The following KRT15 variants were observed in gnomAD, a reference collection of about 807,000 sequenced individuals.
The protein encoded by KRT15 is keratin, type I cytoskeletal 15.
KRT15 carries 45 observed loss-of-function variants against 46.6 expected under a neutral mutation model. That is an observed-to-expected ratio of 0.97 (90% CI 0.76 to 1.24). KRT15 has a LOEUF of 1.24. Ranked by LOEUF, KRT15 falls within the 50% of genes most tolerant of loss-of-function variation. The pLI is 0.00. For missense variants in KRT15, 592 were observed against 588.9 expected, an observed-to-expected ratio of 1.01 and a Z score of -0.05; for synonymous variants, 221 against 233.8, an observed-to-expected ratio of 0.95 and a Z score of 0.50.
chr17:41,518,139 C>T (rs990982171), intron 1 of KRT15, among the ~76,000 whole-genome samples, 191 bp downstream of exon 1: 2 of 152,130 alleles, frequency 1.3e-5, no homozygotes, highest in African/African-American at 2.4e-5. Context: ...CCAGCACCAC[C>T]AAGTTGAGAA....
rs921724315 is a variant in KRT15 at position 41,515,647 on chromosome 17, C to T, written c.1072G>A (p.Ala358Thr). The stretch of plus-strand genomic sequence containing the variant: ...CCCTGGATCTGCTGCAGCTGCGTGG[C>T]ATAGCGGCACTCTGTCTCGGCCAGT... ...NSLAETECRY[A>T]TQLQQIQGLI... is the part of the protein sequence containing the mutation. The change falls in exon 6 of 8, where the codon GCC becomes ACC. Residue 358 changes from alanine (A) to threonine (T), a missense_variant. By Grantham distance (58) the Ala-to-Thr change is moderately conservative. Coordinates refer to ENST00000254043, the MANE Select transcript of KRT15 (RefSeq NM_002275.4). 2.5e-6 allele frequency: 4 copies of T among 1,614,212 alleles called. No individual in the cohort carries two copies. Among genetic ancestry groups the T allele is most frequent in the African/African-American group, 1.3e-5 (1 of 75,058 alleles).
At chr17:41,516,052 C>G in intron 4 of KRT15, 42 bp from the exon 5 acceptor site, 2 of 1,614,092 alleles carry the variant, frequency 1.2e-6, no homozygotes, top group South Asian at 2.2e-5. Context: ...GGGGCCTCCT[C>G]GGAGACTCAG....
intron 6 of KRT15, 61 bp downstream of exon 6, chr17:41,515,411 G>A: frequency 1.0e-5 from 15 of 1,447,932 alleles, no homozygotes; most frequent in Non-Finnish European, 1.4e-5. Context: ...CCCTTAGGAT[G>A]ACCCTGCACC....
At chr17:41,514,588 G>A (rs535345794) in intron 7 of KRT15, 61 bp downstream of exon 7, 3 of 1,500,962 alleles carry the variant, frequency 2.0e-6, no homozygotes, top group Admixed American at 1.7e-5. Flanking sequence ...TATTCCGAAG[G>A]GGGTGGTGGC....
In KRT15 at chr17:41,517,181, T is replaced by A; in HGVS notation, c.499-16A>T. 1 of 1,610,604 alleles carries A rather than the reference T, an allele frequency of 6.2e-7. No individual in the cohort carries two copies. The highest frequency in any genetic ancestry group is 8.5e-7 in the Non-Finnish European group (1 of 1,177,558). On this transcript the variant is annotated splice_polypyrimidine_tract_variant and intron_variant, in intron 1 of 7. Coordinates refer to ENST00000254043, the MANE Select transcript of KRT15 (RefSeq NM_002275.4). Reference sequence around the variant, plus strand: ...TGGCCATGATCTGCAGGAGACAGAGTCGGTGTCTAGAGGACTCCTCTCTCT... The same window carrying A: ...TGGCCATGATCTGCAGGAGACAGAGACGGTGTCTAGAGGACTCCTCTCTCT...
rs149322590 is a variant in KRT15, at chr17:41,514,845, C to T, written c.1248-171G>A. Reference sequence around the variant, plus strand: ...TGCTAGCCCATCCAGGCCTGCTATCCCCAAGTAGACAGATTTTGTTTTGTT... The same window carrying T: ...TGCTAGCCCATCCAGGCCTGCTATCTCCAAGTAGACAGATTTTGTTTTGTT... On this transcript the variant is annotated intron_variant, in intron 6 of 7. Coordinates refer to ENST00000254043, the MANE Select transcript of KRT15 (RefSeq NM_002275.4). 27 of 582,372 alleles carry T rather than the reference C, an allele frequency of 4.6e-5. No homozygotes were observed. In the East Asian group the frequency reaches 7.8e-4, roughly 17 times the overall value. The allele number at this position is 582,372 out of a possible 1,614,324, so 36.1% of individuals were successfully genotyped here. A position where few individuals can be genotyped will look rare whatever the true frequency, so the allele number is the denominator to read the frequency against.
rs1905346333 is a variant in KRT15 at position 41,516,010 on chromosome 17, T to C, written c.901A>G (p.Thr301Ala). The C allele has an allele frequency of 3.7e-6, 6 of 1,614,122 alleles. No homozygotes were observed. Among genetic ancestry groups the C allele is most frequent in the Non-Finnish European group, 5.1e-6 (6 of 1,180,000 alleles). Residue 301 changes from threonine (T) to alanine (A), a missense_variant and splice_region_variant, in exon 5 of 8, where the codon ACT (threonine) becomes GCT (alanine). Transcript: ENST00000254043. ...GCCACCTCTTTGTTCAGCTCCTCAG[T>C]CTGTAGGTCATGCACAACAGAAGTG... ...RDVEAWFFSK[T>A]EELNKEVASN...
chr17:41,514,114 G>A lies in KRT15; in HGVS notation c.1280C>T (p.Ser427Leu). ...MAGIAIREAS[S>L]GGGGSSSNFH... ...ATTGCTGCTGCTACCACCACCTCCT[G>A]AAGAGGCTAGAGAGAGAAGGAGTAG... is the stretch of plus-strand genomic sequence containing the variant. The change falls in exon 8 of 8, where the codon TCA becomes TTA. Residue 427 changes from serine to leucine, a missense_variant. Transcript: ENST00000254043. 6.2e-7 allele frequency: 1 copy of A among 1,613,270 alleles called. No individual in the cohort carries two copies. Among genetic ancestry groups the A allele is most frequent in the Non-Finnish European group, 8.5e-7 (1 of 1,179,206 alleles).
Position 41,516,148 on chromosome 17 carries a change from C to A in KRT15, c.856G>T (p.Ala286Ser), listed in dbSNP as rs770811080. Residue 286 changes from alanine to serine, a missense_variant, in exon 4 of 8, where the codon GCG becomes TCG. Physicochemically the swap from Ala to Ser is moderately conservative, Grantham distance 99 (BLOSUM62 1). Coordinates refer to ENST00000254043, the MANE Select transcript of KRT15 (RefSeq NM_002275.4). ...TCGACATCCCGGCGGTTCTTCTCCG[C>A]CATGGCCTCGTACTGCTCCCTCATC... ...AEMREQYEAM[A>S]EKNRRDVEAW... The A allele has an allele frequency of 5.6e-6, 9 of 1,614,076 alleles. No homozygotes were observed. The highest frequency in any genetic ancestry group is 7.6e-6 in the Non-Finnish European group (9 of 1,180,046).
At chr17:41,517,852 G>T (rs990920457) in intron 1 of KRT15, among the ~76,000 whole-genome samples, 2 of 152,154 alleles carry the variant, frequency 1.3e-5, no homozygotes, top group Admixed American at 6.5e-5. Flanking sequence ...GCAGAAGCCT[G>T]CAGGGTGCAT....
In KRT15 at chr17:41,518,763, G is replaced by A. The variant is rs1423698306; in HGVS notation, c.65C>T (p.Ser22Phe). ...AAAGCCACCTCCCCCAGCCAGGAGG[G>A]AACCCCCTCGGGTTGAGCCACCCCC... ...TFGGGSTRGG[S>F]LLAGGGGFGG... Residue 22 changes from serine (S) to phenylalanine (F), a missense_variant, in exon 1 of 8, where the codon TCC becomes TTC. Coordinates refer to ENST00000254043, the MANE Select transcript of KRT15 (RefSeq NM_002275.4). The A allele has an allele frequency of 6.3e-7, 1 of 1,586,116 alleles. No homozygotes were observed. The highest frequency in any genetic ancestry group is 1.2e-5 in the South Asian group (1 of 86,200).
At position 41,516,810 on chromosome 17, in the gene KRT15, C is replaced by A; in HGVS notation, c.736G>T (p.Glu246Ter). 8 of 1,614,192 alleles carry A rather than the reference C, an allele frequency of 5.0e-6. No homozygotes were observed. The highest frequency in any genetic ancestry group is 5.9e-6 in the Non-Finnish European group (7 of 1,180,012). ...ELAYLKKNHE[E>*]EMKEFSSQLA... The stretch of plus-strand genomic sequence containing the variant: ...GGGTGATGGGGGCCAGCTCTCACCT[C>A]TTCGTGGTTCTTCTTCAGGTAGGCT... The change falls in exon 3 of 8, where the codon GAG (glutamate) becomes TAG (stop). Residue 246 changes from glutamate to a stop codon, truncating the protein, a stop_gained and splice_region_variant. Coordinates refer to ENST00000254043, the MANE Select transcript of KRT15 (RefSeq NM_002275.4). LOFTEE classifies it high-confidence loss of function.
At chr17:41,518,246 T>C in intron 1 of KRT15, 84 bp downstream of exon 1, 1 of 1,463,176 alleles carries the variant, frequency 6.8e-7, no homozygotes, top group Non-Finnish European at 9.2e-7. Flanking sequence ...AAGGATTTCC[T>C]TGAGTCAGCA....
Position 41,516,212 on chromosome 17 carries a change from G to A in KRT15, c.792C>T (p.Asp264=), listed in dbSNP as rs769626606. 1.7e-5 allele frequency: 28 copies of A among 1,613,954 alleles called. No homozygotes were observed. The East Asian group carries it at 2.0e-4, about 12-fold the overall frequency. The change falls in exon 4 of 8, where the codon GAC becomes GAT. Residue 264 remains aspartate (D), a synonymous_variant. Coordinates refer to ENST00000254043, the MANE Select transcript of KRT15 (RefSeq NM_002275.4). ...GGGTCAGGTCCACACCCGGTGCTGC[G>A]TCCATCTCCACATTGACCTGGCCGG... The part of the protein sequence containing the change: ...QLAGQVNVEM[D]AAPGVDLTRV...
intron 7 of KRT15, 42 bp from the exon 8 acceptor site, chr17:41,514,162 C>A (rs1451185318): frequency 3.6e-5 from 55 of 1,509,394 alleles, no homozygotes; most frequent in Non-Finnish European, 5.1e-5. Flanking sequence ...GGGAACCTCC[C>A]CGCTCTGCCA....
rs764711968 is a variant in KRT15 at position 41,515,489 on chromosome 17, G to A, written c.1230C>T (p.Leu410=). 1.5e-5 allele frequency: 25 copies of A among 1,613,396 alleles called. No individual in the cohort carries two copies. Among genetic ancestry groups the A allele is most frequent in the East Asian group, 4.5e-5 (2 of 44,876 alleles). The change falls in exon 6 of 8, where the codon CTC becomes CTT. Residue 410 remains leucine (L), a synonymous_variant. Transcript: ENST00000254043. ...GCGCCTACTTGGCATCCTGGCCCTC[G>A]AGCAGGCTGCGGTAAGTAGCGATCT... ...EQEIATYRSL[L]EGQDAKMAGI...
chr17:41,517,656 T>G, intron 1 of KRT15: 1 of 180,952 alleles, frequency 5.5e-6, no homozygotes, highest in Non-Finnish European at 1.2e-5. Flanking sequence ...AACCCAGTCT[T>G]AGGGAGTAAA....
chr17:41,514,529 G>A (rs954795965), intron 7 of KRT15, 120 bp downstream of exon 7: 2 of 887,934 alleles, frequency 2.3e-6, no homozygotes, highest in South Asian at 1.6e-5. Context: ...TCTAATGAAT[G>A]GGAATGTTCC....
At chr17:41,516,533 T>G (rs1424405924) in intron 3 of KRT15, among the ~76,000 whole-genome samples, 1 of 152,124 alleles carries the variant, frequency 6.6e-6, no homozygotes, top group African/African-American at 2.4e-5. Context: ...ACGGGCCACC[T>G]GGGCTGGCTG....
Sources: allele counts gnomAD v4.1 joint callset (sites outside exome capture counted in the v4.1 genomes callset), GRCh38; gene constraint gnomAD v4.1.1; transcripts MANE v1.5; gene names NCBI Gene and HGNC (gene_info 2026-07-23, HGNC 2026-07-21).